The following ZNF507 variants were observed in gnomAD, a reference collection of about 807,000 sequenced individuals.
ZNF507 encodes the protein zinc finger protein 507.
ZNF507 carries 29 observed loss-of-function variants against 80.0 expected under a neutral mutation model. That is an observed-to-expected ratio of 0.36 (90% confidence interval 0.27 to 0.49). The LOEUF (loss-of-function observed/expected upper bound fraction) is 0.49. Among genes scored for constraint, ZNF507 ranks in the 20% least tolerant of loss-of-function variants. The pLI is 0.98. For synonymous variants in ZNF507, 462 were observed against 422.5 expected, an observed-to-expected ratio of 1.09 and a Z score of -1.15; for missense variants, 1,081 against 1,152.2, an observed-to-expected ratio of 0.94 and a Z score of 0.90.
chr19:32,349,304 G>A (rs1198897140), intron 2 of ZNF507, among the ~76,000 whole-genome samples: 1 of 152,240 alleles, frequency 6.6e-6, no homozygotes, highest in Non-Finnish European at 1.5e-5. Flanking sequence ...CTGACAGAGA[G>A]CAGAATGGAA....
At chr19:32,364,809 A>G (rs189149489) in intron 5 of ZNF507, among the ~76,000 whole-genome samples, 4 of 152,290 alleles carry the variant, frequency 2.6e-5, no homozygotes, top group African/African-American at 9.6e-5. Context: ...GCGTGCAAGC[A>G]TCTTTTTCCA....
intron 5 of ZNF507, among the ~76,000 whole-genome samples, chr19:32,376,128 A>T (rs149261417): frequency 8.1e-4 from 124 of 152,352 alleles, no homozygotes; most frequent in African/African-American, 2.9e-3. Flanking sequence ...TTTATTGTAG[A>T]AAGTTTAAAT....
chr19:32,382,368 G>A, intron 5 of ZNF507, 99 bp from the exon 6 acceptor site: 3 of 1,433,596 alleles, frequency 2.1e-6, no homozygotes, highest in Non-Finnish European at 2.9e-6. Flanking sequence ...TCTAATAAGG[G>A]TTCGGAGGAA....
At chr19:32,355,502 G>T (rs1261647478) in intron 3 of ZNF507, among the ~76,000 whole-genome samples, 3 of 152,126 alleles carry the variant, frequency 2.0e-5, no homozygotes, top group Non-Finnish European at 4.4e-5. Context: ...TATGGGCAGG[G>T]TAAAGAACTT....
At position 32,352,921 on chromosome 19, in the gene ZNF507, T is replaced by C. The variant is rs2232510; in HGVS notation, c.91T>C (p.Leu31=). The C allele has an allele frequency of 3.2e-5, 51 of 1,613,992 alleles. No homozygotes were observed. The highest frequency in any genetic ancestry group is 4.2e-5 in the Non-Finnish European group (49 of 1,180,016). ...TGCTGAAAGTATCATCAGTCCTTCA[T>C]TGGAAATTGATGAACAAAGAAAAAC... ...LTAESIISPS[L]EIDEQRKTKP... Residue 31 remains leucine, a synonymous_variant, in exon 3 of 7, where the codon TTG becomes CTG. Coordinates refer to ENST00000355898, the MANE Select transcript of ZNF507 (RefSeq NM_001136156.2).
intron 5 of ZNF507, among the ~76,000 whole-genome samples, chr19:32,374,094 T>C (rs1967511041): frequency 6.6e-6 from 1 of 152,062 alleles, no homozygotes; most frequent in South Asian, 2.1e-4. Flanking sequence ...TGAACCATCC[T>C]GTCGGGGGAC....
intron 1 of ZNF507, among the ~76,000 whole-genome samples, chr19:32,346,022 T>A (rs535564965): frequency 6.6e-6 from 1 of 152,206 alleles, no homozygotes; most frequent in African/African-American, 2.4e-5. Flanking sequence ...CCCTGCATAC[T>A]GTCACCAGCC....
chr19:32,360,683 T>C (rs1219936106), intron 5 of ZNF507, 65 bp downstream of exon 5: 5 of 915,008 alleles, frequency 5.5e-6, no homozygotes, highest in African/African-American at 1.7e-5. Flanking sequence ...AGAAATAAAA[T>C]GAAATAAAAA....
intron 5 of ZNF507, among the ~76,000 whole-genome samples, chr19:32,374,916 G>A (rs1296818325): frequency 6.6e-6 from 1 of 152,148 alleles, no homozygotes; most frequent in Non-Finnish European, 1.5e-5. Context: ...TCCTAATTAA[G>A]CTTGATACTA....
Position 32,353,661 on chromosome 19 carries a change from C to T in ZNF507, c.831C>T (p.Ser277=), listed in dbSNP as rs983635499. Residue 277 remains serine (S), a synonymous_variant, in exon 3 of 7, where the codon TCC becomes TCT. Transcript: ENST00000355898. ...AACATGCTGGGGAGGTTGATTGCTC[C>T]TATCCAATCTTTGAAAATGAAAATG... ...AWKHAGEVDC[S]YPIFENENEP... is the part of the protein sequence containing the mutation. 4 of 1,614,062 alleles carry T rather than the reference C, an allele frequency of 2.5e-6. No homozygotes were observed. Among genetic ancestry groups the T allele is most frequent in the Admixed American group, 1.7e-5 (1 of 60,006 alleles).
chr19:32,350,849 G>T (rs921599047), intron 2 of ZNF507, among the ~76,000 whole-genome samples: 1 of 152,156 alleles, frequency 6.6e-6, no homozygotes, highest in Non-Finnish European at 1.5e-5. Context: ...ACAGACATAA[G>T]GCCTTAAGTT....
intron 3 of ZNF507, 82 bp downstream of exon 3, chr19:32,355,039 C>A: frequency 1.5e-6 from 2 of 1,331,092 alleles, no homozygotes; most frequent in Non-Finnish European, 2.0e-6. Flanking sequence ...AATCCAATCA[C>A]CTCATTTTAT....
intron 2 of ZNF507, among the ~76,000 whole-genome samples, chr19:32,351,111 G>A (rs1177262977): frequency 6.6e-6 from 1 of 152,214 alleles, no homozygotes; most frequent in Non-Finnish European, 1.5e-5. Context: ...TTAAGGGAGA[G>A]TGGCTGAAGG....
At chr19:32,357,367 C>G (rs780825175) in intron 4 of ZNF507, 1 of 152,206 alleles carries the variant, frequency 6.6e-6, no homozygotes, top group Non-Finnish European at 1.5e-5. Context: ...TAAGCTGTGC[C>G]GCTTTGGTTC....
chr19:32,380,364 A>G (rs1000310411), intron 5 of ZNF507, among the ~76,000 whole-genome samples: 1 of 152,076 alleles, frequency 6.6e-6, no homozygotes, highest in African/African-American at 2.4e-5. Context: ...TCAAAAAAAA[A>G]AGAACTAACT....
At chr19:32,374,270 T>C (rs75456937) in intron 5 of ZNF507, among the ~76,000 whole-genome samples, 2,876 of 152,230 alleles carry the variant, frequency 0.019, 99 homozygotes, top group African/African-American at 0.066. Context: ...AAATAGTTTT[T>C]TCCTTCTTGC....
At chr19:32,352,302 G>GA (rs968912691) in intron 2 of ZNF507, among the ~76,000 whole-genome samples, 5 of 151,710 alleles carry the variant, frequency 3.3e-5, no homozygotes, top group African/African-American at 9.7e-5. Flanking sequence ...GATTTGGGGA[G>GA]AAAAAAAACA....
At chr19:32,358,767 A>T (rs1273008627) in intron 4 of ZNF507, 1 of 152,256 alleles carries the variant, frequency 6.6e-6, no homozygotes, top group Non-Finnish European at 1.5e-5. Context: ...TTTTACCCAG[A>T]CATGCAGGTA....
intron 5 of ZNF507, among the ~76,000 whole-genome samples, chr19:32,362,913 T>C (rs1967348506): frequency 6.6e-6 from 1 of 152,232 alleles, no homozygotes. Context: ...ATAAGTCTTA[T>C]TTTCTAATGT....
Sources: gnomAD v4.1 joint callset for allele counts (sites outside exome capture counted in the v4.1 genomes callset) on GRCh38, gnomAD v4.1.1 for gene constraint, MANE v1.5 for transcripts, NCBI Gene and HGNC (gene_info 2026-07-23, HGNC 2026-07-21) for gene names.